Variants in CEP170 observed in about 807,000 individuals in gnomAD.
The protein encoded by CEP170 is centrosomal protein of 170 kDa.
A neutral mutation model predicts 151.9 loss-of-function variants in CEP170; 21 were observed. The observed-to-expected ratio is 0.14, with a 90% CI of 0.10 to 0.20. CEP170 has a LOEUF of 0.20. Ranked by LOEUF, CEP170 falls within the 10% of genes least tolerant of loss-of-function variation. The pLI, the probability that CEP170 is intolerant of heterozygous loss-of-function variation, is 1.00. For synonymous variants in CEP170, 356 were observed against 648.8 expected (o/e 0.55, Z 6.86); for missense variants, 964 against 1,892.9 (o/e 0.51, Z 9.11).
intron 4 of CEP170, among the ~76,000 whole-genome samples, chr1:243,202,326 G>T (rs1334829579): frequency 2.6e-4 from 40 of 151,988 alleles, no homozygotes; most frequent in Admixed American, 2.6e-3. Flanking sequence ...GCGGGGTGAG[G>T]GATGAAAAAC....
intron 8 of CEP170, among the ~76,000 whole-genome samples, chr1:243,189,083 T>A (rs2060113030): frequency 6.6e-6 from 1 of 152,198 alleles, no homozygotes; most frequent in South Asian, 2.1e-4. Flanking sequence ...TATGTCTACC[T>A]ATAAATCAAC....
At chr1:243,195,588 C>T (rs2728353) in intron 7 of CEP170, among the ~76,000 whole-genome samples, 5 of 151,686 alleles carry the variant, frequency 3.3e-5, no homozygotes, top group South Asian at 2.1e-4. Flanking sequence ...AAATTAATAA[C>T]GAAGAAGCAA....
At position 243,194,017 on chromosome 1, in the gene CEP170, A is replaced by C. The variant is rs2060479098; in HGVS notation, c.632-2523T>G. On this transcript the variant is annotated intron_variant, in intron 7 of 19. Transcript: ENST00000366542. ...CTAATACCAAAACCCAACTCTAAAA[A>C]ACCCAAGACAGATATGACAATGCCT... Among the ~76,000 whole-genome samples, 5 of 152,062 alleles carry C rather than the reference A, an allele frequency of 3.3e-5. No homozygotes were observed. The South Asian group carries it at 1.0e-3, about 32-fold the overall frequency.
chr1:243,245,662 C>T (rs992488887), intron 1 of CEP170, among the ~76,000 whole-genome samples: 5 of 151,264 alleles, frequency 3.3e-5, no homozygotes, highest in Admixed American at 1.3e-4. Context: ...TGCAGTGAGC[C>T]GAGATCTCGC....
intron 10 of CEP170, among the ~76,000 whole-genome samples, chr1:243,174,673 G>A (rs1268242724): frequency 6.6e-6 from 1 of 152,104 alleles, no homozygotes; most frequent in African/African-American, 2.4e-5. Flanking sequence ...TTTGCTTTAA[G>A]AGCAAATTAT....
intron 3 of CEP170, among the ~76,000 whole-genome samples, chr1:243,217,878 T>C (rs930196424): frequency 1.7e-4 from 26 of 152,192 alleles, no homozygotes; most frequent in African/African-American, 6.3e-4. Flanking sequence ...AGTGGCAATG[T>C]TGGGATTCGA....
intron 10 of CEP170, among the ~76,000 whole-genome samples, chr1:243,175,634 GCTC>G (rs2059179008): frequency 6.6e-6 from 1 of 152,126 alleles, no homozygotes; most frequent in African/African-American, 2.4e-5. Context: ...GAACTTGAGA[GCTC>G]CTCAAAACCA....
chr1:243,164,239 A>C (rs2058296070), intron 13 of CEP170, 45 bp downstream of exon 13: 1 of 1,354,014 alleles, frequency 7.4e-7, no homozygotes, highest in East Asian at 2.5e-5. Flanking sequence ...GGAGCCCCCA[A>C]ATATACAACA....
Position 243,156,537 on chromosome 1 carries a change from C to T in CEP170, c.3677-82G>A, listed in dbSNP as rs950215232. 3 of 1,332,562 alleles carry T rather than the reference C, an allele frequency of 2.3e-6. No homozygotes were observed. The African/African-American group carries it at 4.4e-5, about 20-fold the overall frequency. The allele number at this position is 1,332,562 out of a possible 1,614,324, so 82.5% of individuals were successfully genotyped here. On this transcript the variant is annotated intron_variant, in intron 13 of 19. Transcript: ENST00000366542. ...AAATAAAAGTCATGACTTCAAAACA[C>T]CATGAGAGCGCACACACGGCACAAT...
At chr1:243,157,380 G>T (rs1316156915) in intron 13 of CEP170, among the ~76,000 whole-genome samples, 2 of 89,822 alleles carry the variant, frequency 2.2e-5, no homozygotes, top group African/African-American at 1.8e-4. Flanking sequence ...AGCATAAATA[G>T]AGGTAAAAAG....
At chr1:243,221,043 C>T (rs1435600803) in intron 3 of CEP170, among the ~76,000 whole-genome samples, 1 of 151,950 alleles carries the variant, frequency 6.6e-6, no homozygotes, top group South Asian at 2.1e-4. Context: ...TTTTTTGAGA[C>T]GCAGTCTTGC....
chr1:243,238,497 G>C (rs560903662), intron 1 of CEP170, among the ~76,000 whole-genome samples: 11 of 151,896 alleles, frequency 7.2e-5, no homozygotes, highest in Non-Finnish European at 1.5e-4. Context: ...ATTTAGAGAA[G>C]AGCTTCTGCA....
intron 14 of CEP170, among the ~76,000 whole-genome samples, chr1:243,145,757 G>A (rs1234175016): frequency 1.1e-4 from 17 of 152,134 alleles, no homozygotes; most frequent in Admixed American, 4.6e-4. Context: ...GCTTATGACC[G>A]CAAGTCAAAC....
At chr1:243,193,307 T>G (rs1169661513) in intron 7 of CEP170, among the ~76,000 whole-genome samples, 2 of 152,042 alleles carry the variant, frequency 1.3e-5, no homozygotes, top group African/African-American at 4.8e-5. Context: ...CTGTACTTGA[T>G]CAAGTCCATA....
intron 4 of CEP170, among the ~76,000 whole-genome samples, chr1:243,207,473 A>G (rs976990784): frequency 3.9e-5 from 6 of 152,230 alleles, no homozygotes; most frequent in African/African-American, 1.4e-4. Flanking sequence ...TAATTGAAAG[A>G]GTAAGAAGAC....
At chr1:243,144,353 T>C (rs566200058) in intron 14 of CEP170, among the ~76,000 whole-genome samples, 1 of 152,228 alleles carries the variant, frequency 6.6e-6, no homozygotes, top group Non-Finnish European at 1.5e-5. Context: ...CACACATAGT[T>C]AAGTGCCATA....
At position 243,167,324 on chromosome 1, in the gene CEP170, A is replaced by G. The variant is rs573720749; in HGVS notation, c.1844-1208T>C. ...TTAAAAATTGTAAGTATGTAACAGC[A>G]GACTTTTCATAGTTAGGACATAGCA... On this transcript the variant is annotated intron_variant, in intron 12 of 19. Transcript: ENST00000366542. 2.0e-3 allele frequency among the ~76,000 whole-genome samples: 305 copies of G among 152,100 alleles called. 2 individuals are homozygous for G. Among genetic ancestry groups the G allele is most frequent in the African/African-American group, 7.0e-3 (292 of 41,584 alleles).
intron 16 of CEP170, among the ~76,000 whole-genome samples, chr1:243,139,503 C>A (rs1016733131): frequency 6.6e-6 from 1 of 151,416 alleles, no homozygotes; most frequent in African/African-American, 2.4e-5. Context: ...TGTATTTCTA[C>A]CTTCTTTATT....
At chr1:243,149,396 A>C (rs1264396125) in intron 14 of CEP170, among the ~76,000 whole-genome samples, 1 of 152,156 alleles carries the variant, frequency 6.6e-6, no homozygotes, top group Non-Finnish European at 1.5e-5. Flanking sequence ...ACTTAGGTAC[A>C]GACTATGAGG....
Sources: allele counts gnomAD v4.1 joint callset (sites outside exome capture counted in the v4.1 genomes callset), GRCh38; gene constraint gnomAD v4.1.1; transcripts MANE v1.5; gene names NCBI Gene and HGNC (gene_info 2026-07-23, HGNC 2026-07-21).